SEMA6D: variants seen among roughly 807,000 people sequenced by gnomAD.
The protein encoded by SEMA6D is semaphorin 6D, also known as semaphorin-6D.
SEMA6D carries 35 observed loss-of-function variants against 106.6 expected under a neutral mutation model. The ratio of observed to expected loss-of-function variants is 0.33; its 90% CI spans 0.25 to 0.44. SEMA6D has a LOEUF of 0.44. Ranked by LOEUF, SEMA6D falls within the 20% of genes least tolerant of loss-of-function variation. SEMA6D has a pLI of 1.00. For synonymous variants in SEMA6D, 499 were observed against 487.7 expected (o/e 1.02, Z -0.31); for missense variants, 1,185 against 1,345.9 (o/e 0.88, Z 1.87).
chr15:47,446,558 A>G (rs1481894519), intron 2 of SEMA6D, among the ~76,000 whole-genome samples: 8 of 152,306 alleles, frequency 5.3e-5, no homozygotes, highest in Admixed American at 4.6e-4. Context: ...CACTATCATA[A>G]TCCAGTGGCA....
At chr15:47,281,932 C>T (rs568498667) in intron 1 of SEMA6D, among the ~76,000 whole-genome samples, 4 of 152,134 alleles carry the variant, frequency 2.6e-5, no homozygotes, top group Admixed American at 1.3e-4. Context: ...TATAGGTTTA[C>T]CCTAATTATA....
chr15:47,570,099 G>A (rs2046341654), intron 3 of SEMA6D, among the ~76,000 whole-genome samples: 1 of 151,848 alleles, frequency 6.6e-6, no homozygotes, highest in South Asian at 2.1e-4. Flanking sequence ...ACCTAGAGCT[G>A]TATCTCCCTG....
chr15:47,584,786 G>A (rs934313869), intron 3 of SEMA6D, among the ~76,000 whole-genome samples: 1 of 152,156 alleles, frequency 6.6e-6, no homozygotes, highest in Non-Finnish European at 1.5e-5. Context: ...GGGATGGAAG[G>A]TGAAGAGAAT....
At chr15:47,448,266 T>G (rs1350810654) in intron 2 of SEMA6D, among the ~76,000 whole-genome samples, 1 of 152,136 alleles carries the variant, frequency 6.6e-6, no homozygotes, top group Admixed American at 6.6e-5. Context: ...TTCATGCCTG[T>G]GTGACAATGA....
chr15:47,674,146 TG>T (rs764468786), intron 4 of SEMA6D, among the ~76,000 whole-genome samples: 8 of 152,176 alleles, frequency 5.3e-5, no homozygotes, highest in Non-Finnish European at 1.0e-4. Flanking sequence ...CAGACCCCCT[TG>T]GGTCTGAGCC....
chr15:47,755,071 C>A (rs2081639452), intron 1 of SEMA6D, among the ~76,000 whole-genome samples: 2 of 151,580 alleles, frequency 1.3e-5, no homozygotes. Context: ...CCTGCCTCAG[C>A]CTCCTGAGTA....
intron 1 of SEMA6D, among the ~76,000 whole-genome samples, chr15:47,728,192 G>A (rs2079885531): frequency 6.6e-6 from 1 of 152,302 alleles, no homozygotes; most frequent in Admixed American, 6.5e-5. Flanking sequence ...CCTAAGGAAA[G>A]CACTCCCCAC....
At position 47,541,233 on chromosome 15, in the gene SEMA6D, GT is replaced by G. The variant is rs1238863430; in HGVS notation, c.-86-59630del. 2.6e-5 allele frequency among the ~76,000 whole-genome samples: 4 copies of G among 152,302 alleles called. No individual in the cohort carries two copies. The East Asian group carries it at 7.7e-4, about 29-fold the overall frequency. Reference sequence around the variant, plus strand: ...TGAAAATGCTGTTAGGAAGGCTAGAGTTGGGATGAAAGTTTTCCAGAAAGAT... The same window carrying G: ...TGAAAATGCTGTTAGGAAGGCTAGAGTGGGATGAAAGTTTTCCAGAAAGAT... On this transcript the variant is annotated intron_variant, in intron 3 of 19. Coordinates refer to the SEMA6D transcript ENST00000558014.
intron 1 of SEMA6D, among the ~76,000 whole-genome samples, chr15:47,303,727 G>A (rs1351564959): frequency 6.6e-6 from 1 of 152,210 alleles, no homozygotes; most frequent in Non-Finnish European, 1.5e-5. Context: ...GAGTGTTGGT[G>A]AAGTGTAAAC....
At chr15:47,685,872 C>G (rs573147940) in intron 4 of SEMA6D, among the ~76,000 whole-genome samples, 1 of 152,218 alleles carries the variant, frequency 6.6e-6, no homozygotes, top group South Asian at 2.1e-4. Context: ...ACTCAATACC[C>G]CTGGGAGAAC....
At chr15:47,639,148 C>G (rs1019043078) in intron 4 of SEMA6D, among the ~76,000 whole-genome samples, 6 of 152,104 alleles carry the variant, frequency 3.9e-5, no homozygotes, top group African/African-American at 1.4e-4. Flanking sequence ...AAAGGGATGA[C>G]CACCAGTGAC....
chr15:47,691,588 A>G (rs946783206), intron 4 of SEMA6D, among the ~76,000 whole-genome samples: 1 of 152,172 alleles, frequency 6.6e-6, no homozygotes, highest in Non-Finnish European at 1.5e-5. Context: ...TGATTTGAAT[A>G]TTAGAGATTA....
At chr15:47,574,583 C>G (rs1272936627) in intron 3 of SEMA6D, among the ~76,000 whole-genome samples, 1 of 152,048 alleles carries the variant, frequency 6.6e-6, no homozygotes, top group African/African-American at 2.4e-5. Flanking sequence ...CTGAGAAATC[C>G]CATTCATGAC....
chr15:47,226,498 G>C (rs544779377), intron 1 of SEMA6D, among the ~76,000 whole-genome samples: 23 of 152,218 alleles, frequency 1.5e-4, no homozygotes, highest in South Asian at 1.0e-3. Context: ...GCAAAGTCCA[G>C]TACTTTGTTA....
At chr15:47,718,689 C>G (rs2079235976) in intron 1 of SEMA6D, 1 of 152,334 alleles carries the variant, frequency 6.6e-6, no homozygotes, top group African/African-American at 2.4e-5. Flanking sequence ...GGGTCTCCGC[C>G]AGGCGACAAG....
intron 2 of SEMA6D, among the ~76,000 whole-genome samples, chr15:47,451,358 T>C (rs908476952): frequency 1.3e-5 from 2 of 151,970 alleles, no homozygotes; most frequent in African/African-American, 4.8e-5. Context: ...AAGAACTACT[T>C]GAGTAGAATC....
At chr15:47,412,179 A>G (rs979921062) in intron 1 of SEMA6D, among the ~76,000 whole-genome samples, 2 of 152,104 alleles carry the variant, frequency 1.3e-5, no homozygotes, top group Admixed American at 6.5e-5. Context: ...ACATCCAGGT[A>G]GAGATCAATA....
At chr15:47,471,927 T>TGTCACACACA (rs1555445487) in intron 3 of SEMA6D, among the ~76,000 whole-genome samples, 2 of 113,956 alleles carry the variant, frequency 1.8e-5, no homozygotes, top group African/African-American at 7.5e-5. Context: ...TCTCTCTCTC[T>TGTCACACACA]CTCTCACACA....
At chr15:47,594,978 G>C (rs1360205372) in intron 3 of SEMA6D, among the ~76,000 whole-genome samples, 1 of 152,130 alleles carries the variant, frequency 6.6e-6, no homozygotes, top group Non-Finnish European at 1.5e-5. Context: ...AAGTGGTGTA[G>C]TGAATCCTGG....
Sources: gnomAD v4.1 joint callset for allele counts (sites outside exome capture counted in the v4.1 genomes callset) on GRCh38, gnomAD v4.1.1 for gene constraint, MANE v1.5 for transcripts, NCBI Gene and HGNC (gene_info 2026-07-23, HGNC 2026-07-21) for gene names.